RFX3: variants seen among roughly 807,000 people sequenced by gnomAD.
The protein encoded by RFX3 is transcription factor RFX3.
In RFX3, 14 loss-of-function variants were observed where a neutral mutation model predicts 98.6. The ratio of observed to expected loss-of-function variants is 0.14; its 90% confidence interval spans 0.09 to 0.22. RFX3 has a LOEUF of 0.22. Ranked by LOEUF, RFX3 falls within the 10% of genes least tolerant of loss-of-function variation. RFX3 has a pLI of 1.00. For synonymous variants in RFX3, 383 were observed against 328.4 expected (o/e 1.17, Z -1.80); for missense variants, 639 against 926.9 (o/e 0.69, Z 4.03).
intron 1 of RFX3, among the ~76,000 whole-genome samples, chr9:3,408,171 A>G (rs1190808985): frequency 6.6e-6 from 1 of 152,132 alleles, no homozygotes; most frequent in Non-Finnish European, 1.5e-5. Flanking sequence ...TTTACATTTG[A>G]TCACAAATTG....
At chr9:3,332,519 T>C (rs973015739) in intron 3 of RFX3, among the ~76,000 whole-genome samples, 2 of 152,344 alleles carry the variant, frequency 1.3e-5, no homozygotes, top group Admixed American at 1.3e-4. Context: ...TGCCTTCTAA[T>C]GGATTTTCCC....
rs140848121 is a variant in RFX3, at chr9:3,407,980, T to C, written c.-8-12384A>G. Among the ~76,000 whole-genome samples, 250 of 152,316 alleles carry C rather than the reference T, an allele frequency of 1.6e-3. 2 individuals carry two copies. The highest frequency in any genetic ancestry group is 5.8e-3 in the African/African-American group (243 of 41,566). On this transcript the variant is annotated intron_variant, in intron 1 of 16. Coordinates refer to ENST00000617270, the MANE Select transcript of RFX3 (RefSeq NM_001282116.2). ...CAGTGATTTCAGAATCTTTTCTTTC[T>C]GAAATCTCAGAGTTGAGCTCTCAGG... is the stretch of plus-strand genomic sequence containing the variant.
chr9:3,343,647 C>G (rs1188615121), intron 3 of RFX3, among the ~76,000 whole-genome samples: 3 of 152,140 alleles, frequency 2.0e-5, no homozygotes, highest in African/African-American at 7.2e-5. Flanking sequence ...TTTGAGTATA[C>G]TTCATGGCAA....
At chr9:3,451,124 T>G (rs1266175148) in intron 1 of RFX3, among the ~76,000 whole-genome samples, 2 of 152,110 alleles carry the variant, frequency 1.3e-5, no homozygotes, top group Non-Finnish European at 2.9e-5. Context: ...GATGAAAGTG[T>G]GTTAAAGAGA....
At chr9:3,342,391 T>C (rs1373557012) in intron 3 of RFX3, among the ~76,000 whole-genome samples, 2 of 152,214 alleles carry the variant, frequency 1.3e-5, no homozygotes, top group Non-Finnish European at 1.5e-5. Flanking sequence ...TGAGAAGTTA[T>C]GTACTGGAGT....
At chr9:3,290,638 A>C (rs1192349920) in intron 6 of RFX3, among the ~76,000 whole-genome samples, 1 of 152,224 alleles carries the variant, frequency 6.6e-6, no homozygotes, top group African/African-American at 2.4e-5. Flanking sequence ...TTTAGTGTGA[A>C]TAGACAATCA....
At chr9:3,514,163 G>C (rs1244062859) in intron 1 of RFX3, among the ~76,000 whole-genome samples, 1 of 152,130 alleles carries the variant, frequency 6.6e-6, no homozygotes, top group Non-Finnish European at 1.5e-5. Flanking sequence ...GTCATTCAAA[G>C]AACTTCATCA....
intron 1 of RFX3, among the ~76,000 whole-genome samples, chr9:3,516,921 G>A (rs952928509): frequency 6.6e-6 from 1 of 152,242 alleles, no homozygotes. Flanking sequence ...CTATGTGGGT[G>A]AGAAAATGAG....
rs1231737872 is a variant in RFX3, at chr9:3,286,843, T to A, written c.851+1288A>T. ...CATGGACCATTTACCACAGACATCATGGACTTCACCGCTAGGTGAATTTTC... is the reference window on the plus strand; with the variant it reads ...CATGGACCATTTACCACAGACATCAAGGACTTCACCGCTAGGTGAATTTTC... On this transcript the variant is annotated intron_variant, in intron 7 of 16. Coordinates refer to ENST00000617270, the MANE Select transcript of RFX3 (RefSeq NM_001282116.2). Among the ~76,000 whole-genome samples, 5 of 151,934 alleles carry A rather than the reference T, an allele frequency of 3.3e-5. No individual in the cohort carries two copies. The South Asian group carries it at 1.0e-3, about 31-fold the overall frequency.
At chr9:3,232,234 C>T (rs959611055) in intron 15 of RFX3, among the ~76,000 whole-genome samples, 6 of 152,170 alleles carry the variant, frequency 3.9e-5, no homozygotes, top group Non-Finnish European at 5.9e-5. Flanking sequence ...TTAGAGGGGG[C>T]TACTCTTCAC....
rs142629689 is a variant in RFX3, at chr9:3,266,979, A to T, written c.1358-674T>A. Among the ~76,000 whole-genome samples, 1,289 of 152,140 alleles carry T rather than the reference A, an allele frequency of 8.5e-3. 23 individuals carry two copies. Among genetic ancestry groups the T allele is most frequent in the African/African-American group, 0.03 (1,239 of 41,566 alleles). On this transcript the variant is annotated intron_variant, in intron 11 of 16. Coordinates refer to ENST00000617270, the MANE Select transcript of RFX3 (RefSeq NM_001282116.2). Reference sequence around the variant, plus strand: ...TAAAATAGCTCATTCTGTATCCTTGACATATCTGTTAAAACCTGAAATAGG... The same window carrying T: ...TAAAATAGCTCATTCTGTATCCTTGTCATATCTGTTAAAACCTGAAATAGG...
chr9:3,486,983 T>G (rs1850335925), intron 1 of RFX3, among the ~76,000 whole-genome samples: 1 of 152,212 alleles, frequency 6.6e-6, no homozygotes, highest in Non-Finnish European at 1.5e-5. Flanking sequence ...TTCTAGAAAC[T>G]ATTACCATTA....
In RFX3 at chr9:3,220,202, T is replaced by C. The variant is rs1476738037; in HGVS notation, c.*4840A>G. 6.6e-6 allele frequency: 1 copy of C among 152,196 alleles called. No individual in the cohort carries two copies. Among genetic ancestry groups the C allele is most frequent in the African/African-American group, 2.4e-5 (1 of 41,440 alleles). The allele number at this position is 152,196 out of a possible 1,614,324, so 9.4% of individuals were successfully genotyped here. Reference sequence around the variant, plus strand: ...CGCAAACAATATTTTATGAGCGATCTAACTCCAAATAGCCTAACTGCCCCC... The same window carrying C: ...CGCAAACAATATTTTATGAGCGATCCAACTCCAAATAGCCTAACTGCCCCC... On this transcript the variant is annotated 3_prime_UTR_variant, in exon 17 of 17. Coordinates refer to ENST00000617270, the MANE Select transcript of RFX3 (RefSeq NM_001282116.2).
intron 15 of RFX3, among the ~76,000 whole-genome samples, chr9:3,244,892 T>G (rs1820442941): frequency 6.6e-6 from 1 of 152,238 alleles, no homozygotes; most frequent in African/African-American, 2.4e-5. Context: ...CATCATTATA[T>G]TCCAATCATG....
chr9:3,292,431 T>C (rs1277636076), intron 6 of RFX3, among the ~76,000 whole-genome samples: 3 of 152,282 alleles, frequency 2.0e-5, no homozygotes, highest in South Asian at 4.1e-4. Flanking sequence ...AACTATACTA[T>C]GTTTTTCCTT....
chr9:3,430,280 C>T (rs1247270431), intron 1 of RFX3, among the ~76,000 whole-genome samples: 1 of 152,158 alleles, frequency 6.6e-6, no homozygotes, highest in African/African-American at 2.4e-5. Context: ...AGGCTGTAAC[C>T]ATCAATCTCC....
intron 15 of RFX3, among the ~76,000 whole-genome samples, chr9:3,238,813 C>T (rs1404660678): frequency 6.6e-6 from 1 of 152,074 alleles, no homozygotes; most frequent in Non-Finnish European, 1.5e-5. Flanking sequence ...CATGGAGAAA[C>T]CCCGTCTCTA....
rs774767650 is a variant in RFX3, at chr9:3,266,202, G to A, written c.1455+6C>T. The A allele has an allele frequency of 6.4e-7, 1 of 1,558,484 alleles. No individual in the cohort carries two copies. The highest frequency in any genetic ancestry group is 2.3e-5 in the East Asian group (1 of 44,330). ...ACAAAAGAAAAAGCAAGGACATAAA[G>A]TATACCTTGGTTTGTATCATTCTCT... On this transcript the variant is annotated splice_donor_region_variant and intron_variant, in intron 12 of 16. Coordinates refer to ENST00000617270, the MANE Select transcript of RFX3 (RefSeq NM_001282116.2).
intron 1 of RFX3, chr9:3,420,944 G>A (rs1488210823): frequency 2.4e-5 from 24 of 983,628 alleles, no homozygotes; most frequent in Admixed American, 6.2e-5. Context: ...GTAAAGTTCT[G>A]TGGCTACAAC....
Sources: allele counts gnomAD v4.1 joint callset (sites outside exome capture counted in the v4.1 genomes callset), GRCh38; gene constraint gnomAD v4.1.1; transcripts MANE v1.5; gene names NCBI Gene and HGNC (gene_info 2026-07-23, HGNC 2026-07-21).